The following CELF2 variants were observed in gnomAD, a reference collection of about 807,000 sequenced individuals.
The protein encoded by CELF2 is CUG triplet repeat RNA-binding protein 2.
CELF2 carries 8 observed loss-of-function variants against 62.6 expected under a neutral mutation model. The observed-to-expected ratio is 0.13, with a 90% CI of 0.07 to 0.23. The LOEUF is 0.23. Among genes scored for constraint, CELF2 ranks in the 10% least tolerant of loss-of-function variants. The pLI, the probability that CELF2 is intolerant of heterozygous loss-of-function variation, is 1.00. For missense variants in CELF2, 333 were observed against 671.0 expected, an observed-to-expected ratio of 0.50 and a Z score of 5.56; for synonymous variants, 258 against 250.0, an observed-to-expected ratio of 1.03 and a Z score of -0.30.
Position 11,005,549 on chromosome 10 carries a change from G to A in CELF2, c.53+109G>A, listed in dbSNP as rs1592979720. The A allele has an allele frequency of 1.3e-6, 2 of 1,521,676 alleles. No homozygotes were observed. Among genetic ancestry groups the A allele is most frequent in the African/African-American group, 1.4e-5 (1 of 72,870 alleles). The allele number at this position is 1,521,676 out of a possible 1,614,324, so 94.3% of individuals were successfully genotyped here. ...GTAGCTTCCTTACCTTAGAAGAGAAGGGGGGAAAAAGAATCTAAAGAGGAA... is the reference window on the plus strand; with the variant it reads ...GTAGCTTCCTTACCTTAGAAGAGAAAGGGGGAAAAAGAATCTAAAGAGGAA... On this transcript the variant is annotated intron_variant, in intron 1 of 12. Transcript: ENST00000416382. This position sits in a 1 kb window ranked among gnomAD's most constrained non-coding sequence, Gnocchi z 4.3.
chr10:11,252,789 C>T (rs946993461), intron 4 of CELF2, among the ~76,000 whole-genome samples: 2 of 152,208 alleles, frequency 1.3e-5, no homozygotes, highest in African/African-American at 2.4e-5. Flanking sequence ...TAATCCCACT[C>T]TGGAGAAGCA....
the CELF2 span, among the ~76,000 whole-genome samples, chr10:10,598,319 C>T: frequency 6.6e-6 from 1 of 152,190 alleles, no homozygotes; most frequent in Non-Finnish European, 1.5e-5. Flanking sequence ...TGATAGACGT[C>T]TGTCAGTCAT....
In CELF2 at chr10:11,249,783, T is replaced by C. The variant is rs189479681; in HGVS notation, c.403+582T>C. On this transcript the variant is annotated intron_variant, in intron 4 of 12. Coordinates refer to ENST00000633077, the MANE Select transcript of CELF2 (RefSeq NM_001326342.2). ...TGCATTTGATGAGGTCCATAAACAA[T>C]TGGGTTTTGCCTATTCGAGACATGA... Among the ~76,000 whole-genome samples, 71 of 152,328 alleles carry C rather than the reference T, an allele frequency of 4.7e-4. No homozygotes were observed. The East Asian group carries it at 0.013, about 27-fold the overall frequency.
chr10:11,229,036 G>A (rs528516546), intron 3 of CELF2, among the ~76,000 whole-genome samples: 1 of 152,200 alleles, frequency 6.6e-6, no homozygotes, highest in African/African-American at 2.4e-5. Context: ...AGCACGTCCT[G>A]TCCAAGCTCC....
chr10:11,239,078 C>T (rs956964988), intron 3 of CELF2, among the ~76,000 whole-genome samples: 2 of 151,962 alleles, frequency 1.3e-5, no homozygotes, highest in African/African-American at 4.8e-5. Context: ...GTCTGACAGC[C>T]GATTAGAGTA....
chr10:10,494,798 T>A, the CELF2 span, among the ~76,000 whole-genome samples: 5 of 152,300 alleles, frequency 3.3e-5, no homozygotes, highest in East Asian at 9.6e-4. Context: ...ACTCTGGGAT[T>A]TGATGTCTCA....
chr10:11,065,117 C>A (rs1385513053), intron 1 of CELF2, among the ~76,000 whole-genome samples: 1 of 152,176 alleles, frequency 6.6e-6, no homozygotes, highest in Non-Finnish European at 1.5e-5. Context: ...GGTGAGTTTC[C>A]TTTCATAACT....
At chr10:10,684,610 G>C in the CELF2 span, among the ~76,000 whole-genome samples, 2 of 152,078 alleles carry the variant, frequency 1.3e-5, no homozygotes, top group African/African-American at 4.8e-5. Context: ...CTGGGCATGA[G>C]GCATGCTCCT....
Position 10,822,305 on chromosome 10 carries a change from T to C in CELF2, c.53+23488T>C, listed in dbSNP as rs12783280. 1.4e-3 allele frequency among the ~76,000 whole-genome samples: 208 copies of C among 152,330 alleles called. 2 individuals are homozygous for C. The highest frequency in any genetic ancestry group is 2.6e-3 in the Non-Finnish European group (176 of 68,034). ...CTGCCTTCCTTTGCTTCTGTACAAA[T>C]GTATTAATAGACAGGAAGTCATTGC... On this transcript the variant is annotated intron_variant, in intron 1 of 13. Coordinates refer to the CELF2 transcript ENST00000636488.
chr10:11,066,780 C>A (rs1007840771), intron 1 of CELF2, among the ~76,000 whole-genome samples: 1 of 152,076 alleles, frequency 6.6e-6, no homozygotes, highest in East Asian at 1.9e-4. Context: ...ATTACCATTT[C>A]CCAATTACAG....
At chr10:10,919,603 G>C (rs1272566999) in intron 1 of CELF2, among the ~76,000 whole-genome samples, 1 of 152,194 alleles carries the variant, frequency 6.6e-6, no homozygotes, top group South Asian at 2.1e-4. Flanking sequence ...AAAGATCATT[G>C]GTGCTTCGTT....
chr10:10,622,667 C>T, the CELF2 span, among the ~76,000 whole-genome samples: 1 of 151,604 alleles, frequency 6.6e-6, no homozygotes, highest in Non-Finnish European at 1.5e-5. Context: ...AAAAATAAAA[C>T]AAAATAAAGC....
At chr10:10,591,975 A>C in the CELF2 span, among the ~76,000 whole-genome samples, 60 of 152,204 alleles carry the variant, frequency 3.9e-4, no homozygotes, top group African/African-American at 1.4e-3. Flanking sequence ...CATTAAATTC[A>C]CTCAGTCAGC....
intron 1 of CELF2, among the ~76,000 whole-genome samples, chr10:11,050,987 G>A (rs1450940342): frequency 2.0e-5 from 3 of 152,112 alleles, no homozygotes; most frequent in Admixed American, 1.3e-4. Context: ...ATAAAACTCC[G>A]AACCCTGAGA....
At chr10:10,763,254 G>A in the CELF2 span, among the ~76,000 whole-genome samples, 3 of 152,188 alleles carry the variant, frequency 2.0e-5, no homozygotes, top group African/African-American at 2.4e-5. Context: ...CGCAAAAGAG[G>A]TCATTTGAGC....
chr10:10,895,413 T>C (rs888657015), intron 1 of CELF2, among the ~76,000 whole-genome samples: 1 of 151,886 alleles, frequency 6.6e-6, no homozygotes, highest in Non-Finnish European at 1.5e-5. Context: ...CCAAGAAAAA[T>C]GTAGAAAGTA....
At chr10:11,218,667 T>G (rs2063968312) in intron 3 of CELF2, among the ~76,000 whole-genome samples, 1 of 152,226 alleles carries the variant, frequency 6.6e-6, no homozygotes, top group Non-Finnish European at 1.5e-5. Context: ...AATCAAAGAA[T>G]AGAAGGTTCG....
the CELF2 span, among the ~76,000 whole-genome samples, chr10:10,726,406 T>C: frequency 5.9e-5 from 9 of 152,318 alleles, no homozygotes; most frequent in African/African-American, 1.9e-4. Flanking sequence ...TCTGCTCTCA[T>C]TGGAGTTTCT....
chr10:10,863,000 T>C (rs1435128378), intron 1 of CELF2, among the ~76,000 whole-genome samples: 1 of 152,208 alleles, frequency 6.6e-6, no homozygotes, highest in Non-Finnish European at 1.5e-5. Context: ...ATGTGTCATC[T>C]ACATAGACTT....
Sources: allele counts gnomAD v4.1 joint callset (sites outside exome capture counted in the v4.1 genomes callset), GRCh38; gene constraint gnomAD v4.1.1; non-coding constraint Gnocchi (gnomAD v3.1); transcripts MANE v1.5; gene names NCBI Gene and HGNC (gene_info 2026-07-23, HGNC 2026-07-21).